ROBO2: variants seen among roughly 807,000 people sequenced by gnomAD.
The protein encoded by ROBO2 is roundabout homolog 2.
In ROBO2, 53 loss-of-function variants were observed where a neutral mutation model predicts 160.8. That is an observed-to-expected ratio of 0.33 (90% CI 0.26 to 0.41). ROBO2 has a LOEUF of 0.41. ROBO2 is among the 10% of genes least tolerant of loss of function. ROBO2 has a pLI of 1.00. For synonymous variants in ROBO2, 664 were observed against 611.7 expected (o/e 1.09, Z -1.26); for missense variants, 1,577 against 1,722.4 (o/e 0.92, Z 1.49).
intron 20 of ROBO2, among the ~76,000 whole-genome samples, chr3:77,604,737 A>G (rs2094493506): frequency 6.6e-6 from 1 of 152,148 alleles, no homozygotes; most frequent in Non-Finnish European, 1.5e-5. Flanking sequence ...TATCTTTCCT[A>G]AGACTTAAAT....
At chr3:76,302,131 A>G (rs1485478101) in intron 2 of ROBO2, among the ~76,000 whole-genome samples, 3 of 152,038 alleles carry the variant, frequency 2.0e-5, no homozygotes, top group African/African-American at 4.8e-5. Context: ...TGCCTTAACT[A>G]TATACTGATA....
intron 2 of ROBO2, among the ~76,000 whole-genome samples, chr3:77,427,559 A>G (rs540132708): frequency 2.0e-5 from 3 of 152,192 alleles, no homozygotes; most frequent in Non-Finnish European, 4.4e-5. Context: ...AGAAATTTCA[A>G]TCCCAAAGGA....
intron 2 of ROBO2, among the ~76,000 whole-genome samples, chr3:76,172,267 A>G (rs911514323): frequency 1.4e-4 from 19 of 138,592 alleles, no homozygotes; most frequent in African/African-American, 4.4e-4. Context: ...GAAGGGGAAC[A>G]TCACACACCA....
intron 2 of ROBO2, among the ~76,000 whole-genome samples, chr3:76,886,516 G>GA (rs1272798768): frequency 1.3e-5 from 2 of 152,126 alleles, no homozygotes; most frequent in Non-Finnish European, 2.9e-5. Flanking sequence ...CAGAAGGAGG[G>GA]AATGTAGGTT....
chr3:77,246,325 GTA>G (rs1390405000), intron 2 of ROBO2, among the ~76,000 whole-genome samples: 4 of 114,952 alleles, frequency 3.5e-5, no homozygotes, highest in Non-Finnish European at 5.4e-5. Context: ...GAGTGTATGT[GTA>G]TGTGTGTGTG....
At chr3:76,929,828 C>T (rs1460911094) in intron 2 of ROBO2, among the ~76,000 whole-genome samples, 1 of 152,094 alleles carries the variant, frequency 6.6e-6, no homozygotes, top group Non-Finnish European at 1.5e-5. Context: ...GTCTGTGAAT[C>T]TCAGGGAAAA....
chr3:76,335,608 C>T (rs1227892877), intron 2 of ROBO2, among the ~76,000 whole-genome samples: 15 of 149,822 alleles, frequency 1.0e-4, no homozygotes, highest in Non-Finnish European at 1.8e-4. Context: ...GACGGAGTCT[C>T]GCTCTGTCGC....
At chr3:76,635,744 CAG>C (rs1344844475) in intron 2 of ROBO2, among the ~76,000 whole-genome samples, 2 of 152,212 alleles carry the variant, frequency 1.3e-5, no homozygotes, top group Non-Finnish European at 2.9e-5. Flanking sequence ...AGCTCAAAAA[CAG>C]GGAGATTCAT....
chr3:76,422,660 A>G (rs906437258), intron 2 of ROBO2, among the ~76,000 whole-genome samples: 2 of 152,212 alleles, frequency 1.3e-5, no homozygotes, highest in Non-Finnish European at 2.9e-5. Flanking sequence ...CATCAGAAAC[A>G]TGGCTGAAAT....
chr3:77,544,307 G>GTT (rs1364099597), intron 6 of ROBO2, among the ~76,000 whole-genome samples: 1 of 152,050 alleles, frequency 6.6e-6, no homozygotes, highest in African/African-American at 2.4e-5. Flanking sequence ...CAAGAAGATT[G>GTT]TAAGAAGCAA....
chr3:77,172,443 A>G (rs2079732683), intron 2 of ROBO2, among the ~76,000 whole-genome samples: 1 of 152,172 alleles, frequency 6.6e-6, no homozygotes, highest in South Asian at 2.1e-4. Context: ...GAATTTGGCA[A>G]ACATTATAAA....
At chr3:76,198,453 A>G (rs1702365133) in intron 2 of ROBO2, among the ~76,000 whole-genome samples, 1 of 152,196 alleles carries the variant, frequency 6.6e-6, no homozygotes, top group African/African-American at 2.4e-5. Context: ...GCATGTGATG[A>G]AAAGAAATTA....
intron 2 of ROBO2, among the ~76,000 whole-genome samples, chr3:76,973,208 A>G (rs1210692616): frequency 6.6e-6 from 1 of 151,996 alleles, no homozygotes; most frequent in African/African-American, 2.4e-5. Flanking sequence ...CTTTATTTAT[A>G]TTTTCATTTG....
chr3:77,138,254 C>T (rs2076432669), intron 2 of ROBO2, among the ~76,000 whole-genome samples: 1 of 152,130 alleles, frequency 6.6e-6, no homozygotes, highest in Non-Finnish European at 1.5e-5. Flanking sequence ...ATTATTAAGT[C>T]TATTTTATTT....
At chr3:76,309,099 G>A (rs1287549021) in intron 2 of ROBO2, among the ~76,000 whole-genome samples, 1 of 152,032 alleles carries the variant, frequency 6.6e-6, no homozygotes, top group Non-Finnish European at 1.5e-5. Flanking sequence ...TCTTTGAAGA[G>A]GGATGGAGCC....
At chr3:77,482,243 C>T (rs1045748639) in intron 4 of ROBO2, among the ~76,000 whole-genome samples, 1 of 152,090 alleles carries the variant, frequency 6.6e-6, no homozygotes, top group African/African-American at 2.4e-5. Flanking sequence ...TAATCCTCTA[C>T]TTCTGTGCAT....
chr3:76,196,158 C>T (rs929265059), intron 2 of ROBO2, among the ~76,000 whole-genome samples: 1 of 152,102 alleles, frequency 6.6e-6, no homozygotes, highest in African/African-American at 2.4e-5. Context: ...ATTCTTATTT[C>T]CCATTTTAGC....
intron 2 of ROBO2, among the ~76,000 whole-genome samples, chr3:77,029,349 G>T (rs562626778): frequency 3.3e-5 from 5 of 152,096 alleles, no homozygotes; most frequent in Non-Finnish European, 5.9e-5. Flanking sequence ...TTATTTAATT[G>T]AATGTAGAAG....
chr3:76,657,797 T>G (rs2091633679), intron 2 of ROBO2, among the ~76,000 whole-genome samples: 1 of 148,106 alleles, frequency 6.8e-6, no homozygotes, highest in Non-Finnish European at 1.5e-5. Flanking sequence ...TATGTTCATA[T>G]ATATGTGTGT....
Sources: allele counts gnomAD v4.1 joint callset (sites outside exome capture counted in the v4.1 genomes callset), GRCh38; gene constraint gnomAD v4.1.1; transcripts MANE v1.5; gene names NCBI Gene and HGNC (gene_info 2026-07-23, HGNC 2026-07-21).